Variants in PCDHGB3 observed in about 807,000 individuals in gnomAD.
PCDHGB3 encodes protocadherin gamma subfamily B, 3, also known as protocadherin gamma-B3.
Under a neutral mutation model 59.2 loss-of-function variants are expected in PCDHGB3, and 40 were observed. The observed-to-expected ratio is 0.68, with a 90% CI of 0.52 to 0.88. PCDHGB3 has a LOEUF of 0.88. Ranked by LOEUF, PCDHGB3 falls within the 40% of genes least tolerant of loss-of-function variation. The pLI is 0.00. For missense variants in PCDHGB3, 1,309 were observed against 1,187.9 expected (o/e 1.10, Z -1.50); for synonymous variants, 581 against 503.6 (o/e 1.15, Z -2.06).
chr5:141,475,749 A>G (rs1039777629), intron 1 of PCDHGB3, among the ~76,000 whole-genome samples: 13 of 152,278 alleles, frequency 8.5e-5, no homozygotes, highest in Admixed American at 6.5e-5. Context: ...TAGGTTTCCT[A>G]TGCACCGATA....
chr5:141,487,123 T>C lies in PCDHGB3; in HGVS notation c.2416-7684T>C. 6.2e-7 allele frequency: 1 copy of C among 1,614,086 alleles called. No homozygotes were observed. The highest frequency in any genetic ancestry group is 1.1e-5 in the South Asian group (1 of 91,082). On this transcript the variant is annotated intron_variant, in intron 1 of 3. Coordinates refer to ENST00000576222, the MANE Select transcript of PCDHGB3 (RefSeq NM_018924.5). The surrounding 1 kb of genome is among the most constrained non-coding windows in gnomAD (Gnocchi z 5.0). ...AGCTGGTCATTGTGGTAAAGGATAG[T>C]GGTAGTCCACCACTCTCTACCTCTG...
intron 1 of PCDHGB3, chr5:141,422,396 A>G (rs767394630): frequency 6.3e-6 from 10 of 1,597,278 alleles, no homozygotes; most frequent in Non-Finnish European, 8.5e-6. Flanking sequence ...ATTCCTAACC[A>G]CCTGCCTTTT....
rs769652961 is a variant in PCDHGB3, at chr5:141,489,435, A to G, written c.2416-5372A>G. ...CAGATCTGTTGAGCCGGCGGCTGCAATTGGGCTCTGAGGAGAATGGGCGCT... is the reference window on the plus strand; with the variant it reads ...CAGATCTGTTGAGCCGGCGGCTGCAGTTGGGCTCTGAGGAGAATGGGCGCT... On this transcript the variant is annotated intron_variant, in intron 1 of 3. Coordinates refer to ENST00000576222, the MANE Select transcript of PCDHGB3 (RefSeq NM_018924.5). This position sits in a 1 kb window ranked among gnomAD's most constrained non-coding sequence, Gnocchi z 4.5. 2 of 1,614,138 alleles carry G rather than the reference A, an allele frequency of 1.2e-6. No homozygotes were observed. The highest frequency in any genetic ancestry group is 1.7e-6 in the Non-Finnish European group (2 of 1,180,024).
chr5:141,466,496 GCA>G (rs2099123596), intron 1 of PCDHGB3, among the ~76,000 whole-genome samples: 1 of 152,120 alleles, frequency 6.6e-6, no homozygotes. Context: ...TTTAATTAGA[GCA>G]CAGACAAGAT....
At chr5:141,383,709 C>T in intron 1 of PCDHGB3, 1 of 1,613,896 alleles carries the variant, frequency 6.2e-7, no homozygotes, top group Non-Finnish European at 8.5e-7. Context: ...TCGACCTGGA[C>T]GAGGGAGTCA....
At chr5:141,428,117 G>T in intron 1 of PCDHGB3, 2 of 1,607,102 alleles carry the variant, frequency 1.2e-6, no homozygotes, top group East Asian at 2.2e-5. Context: ...AGGCCATCGA[G>T]CCCGGGCTTT....
intron 1 of PCDHGB3, chr5:141,417,732 C>G (rs2096153715): frequency 4.3e-6 from 6 of 1,390,462 alleles, no homozygotes; most frequent in Non-Finnish European, 3.8e-6. Flanking sequence ...AGACCTTGCC[C>G]AGCACACCAG....
At chr5:141,415,157 C>T in intron 1 of PCDHGB3, 1 of 1,613,864 alleles carries the variant, frequency 6.2e-7, no homozygotes, top group Non-Finnish European at 8.5e-7. Flanking sequence ...CTCTCCGCCA[C>T]TGTCACGCTC....
In PCDHGB3 at chr5:141,372,691, A is replaced by G. The variant is rs780199454; in HGVS notation, c.2297A>G (p.Lys766Arg). The G allele has an allele frequency of 9.3e-6, 15 of 1,613,914 alleles. No homozygotes were observed. In the Admixed American group the frequency reaches 1.2e-4, roughly 13 times the overall value. ...TCACATTCCTCAAACACCGAGTTTA[A>G]ATTTCTCAATATAAAGGCTGAAAAT... ...AASHSSNTEF[K>R]FLNIKAENAA... is the part of the protein sequence containing the mutation. The change falls in exon 1 of 4, where the codon AAA (lysine) becomes AGA (arginine). Residue 766 changes from lysine (K) to arginine (R), a missense_variant. Transcript: ENST00000576222.
At chr5:141,399,700 G>T (rs1354039219) in intron 1 of PCDHGB3, 1 of 1,613,422 alleles carries the variant, frequency 6.2e-7, no homozygotes. Flanking sequence ...GCGCACCTTC[G>T]AACTCACACT....
At chr5:141,374,549 G>C in intron 1 of PCDHGB3, 1 of 1,613,404 alleles carries the variant, frequency 6.2e-7, no homozygotes, top group Non-Finnish European at 8.5e-7. Flanking sequence ...TCCACTAATG[G>C]AGGTCTATGA....
intron 1 of PCDHGB3, chr5:141,430,848 A>G (rs780445178): frequency 1.3e-6 from 2 of 1,581,028 alleles, no homozygotes; most frequent in Admixed American, 1.8e-5. Flanking sequence ...GGATGCACCC[A>G]GATACGCTAT....
chr5:141,424,246 A>G (rs971050268), intron 1 of PCDHGB3: 2 of 154,772 alleles, frequency 1.3e-5, no homozygotes, highest in African/African-American at 4.8e-5. Context: ...GTGGCTGGTA[A>G]TATGCTTAGA....
chr5:141,407,706 G>C (rs1350991580), intron 1 of PCDHGB3, among the ~76,000 whole-genome samples: 3 of 152,006 alleles, frequency 2.0e-5, no homozygotes, highest in Admixed American at 1.3e-4. Context: ...GTTGAAGGTG[G>C]GGTGATGGCT....
At chr5:141,421,478 G>T in intron 1 of PCDHGB3, 1 of 1,614,130 alleles carries the variant, frequency 6.2e-7, no homozygotes, top group Non-Finnish European at 8.5e-7. Flanking sequence ...CGAAGCGGCA[G>T]CTTGATCACG....
chr5:141,375,245 A>G (rs768962763), intron 1 of PCDHGB3: 6 of 1,613,950 alleles, frequency 3.7e-6, no homozygotes, highest in Non-Finnish European at 8.5e-7. Flanking sequence ...TTCCATCCCG[A>G]GAAGTCTCCC....
At chr5:141,427,495 C>A in intron 1 of PCDHGB3, 2 of 562,648 alleles carry the variant, frequency 3.6e-6, no homozygotes, top group South Asian at 1.5e-5. Flanking sequence ...AAGCTTGTAA[C>A]AGATGGGACC....
rs980944782 is a variant in PCDHGB3 at position 141,487,625 on chromosome 5, T to C, written c.2416-7182T>C. On this transcript the variant is annotated intron_variant, in intron 1 of 3. Coordinates refer to ENST00000576222, the MANE Select transcript of PCDHGB3 (RefSeq NM_018924.5). This position sits in a 1 kb window ranked among gnomAD's most constrained non-coding sequence, Gnocchi z 5.0. ...TCTCTATGGGCTAGAGGTGAGACCT[T>C]TGCAGGCTCAACAAATGCTTGAGGG... 4 of 1,614,090 alleles carry C rather than the reference T, an allele frequency of 2.5e-6. No homozygotes were observed. Among genetic ancestry groups the C allele is most frequent in the Admixed American group, 3.3e-5 (2 of 60,004 alleles).
In PCDHGB3 at chr5:141,383,069, G is replaced by T; in HGVS notation, c.2415+10260G>T. ...GCCAAGGACCTGGGGCTGGAGCCCC[G>T]GGAGCTGGCGGAGCGCGGAGTCCGC... On this transcript the variant is annotated intron_variant, in intron 1 of 3. Coordinates refer to ENST00000576222, the MANE Select transcript of PCDHGB3 (RefSeq NM_018924.5). The T allele has an allele frequency of 6.2e-7, 1 of 1,613,886 alleles. No homozygotes were observed. The highest frequency in any genetic ancestry group is 8.5e-7 in the Non-Finnish European group (1 of 1,179,902).
Sources: allele counts gnomAD v4.1 joint callset (sites outside exome capture counted in the v4.1 genomes callset), GRCh38; gene constraint gnomAD v4.1.1; non-coding constraint Gnocchi (gnomAD v3.1); transcripts MANE v1.5; gene names NCBI Gene and HGNC (gene_info 2026-07-23, HGNC 2026-07-21).